GTPBP3: variants seen among roughly 807,000 people sequenced by gnomAD.
GTPBP3 encodes GTP binding protein 3, mitochondrial, also known as 5-taurinomethyluridine-[tRNA] synthase subunit GTPB3, mitochondrial.
Under a neutral mutation model 42.0 loss-of-function variants are expected in GTPBP3, and 35 were observed. The ratio of observed to expected loss-of-function variants is 0.83; its 90% CI spans 0.64 to 1.10. The LOEUF is 1.10. Among genes scored for constraint, GTPBP3 ranks in the 50% least tolerant of loss-of-function variants. The pLI is 0.00. For synonymous variants in GTPBP3, 332 were observed against 314.9 expected, an observed-to-expected ratio of 1.05 and a Z score of -0.58; for missense variants, 691 against 685.2, an observed-to-expected ratio of 1.01 and a Z score of -0.09.
In GTPBP3 at chr19:17,339,237, C is replaced by A. The variant is rs757509612; in HGVS notation, c.779C>A (p.Ala260Glu). The change falls in exon 6 of 9, where the codon GCG becomes GAG. Residue 260 changes from alanine to glutamate, a missense_variant. Coordinates refer to ENST00000324894, the MANE Select transcript of GTPBP3 (RefSeq NM_032620.4). The stretch of plus-strand genomic sequence containing the variant: ...GTAGTGGTCACTGGACCCCCCAATG[C>A]GGGCAAGAGCAGCCTAGTGAACCTG... ...VHVVVTGPPN[A>E]GKSSLVNLLS... is the part of the protein sequence containing the mutation. 1.2e-6 allele frequency: 2 copies of A among 1,609,706 alleles called. No homozygotes were observed. Among genetic ancestry groups the A allele is most frequent in the South Asian group, 1.1e-5 (1 of 90,934 alleles).
chr19:17,338,249 T>C lies in GTPBP3; in HGVS notation c.295T>C (p.Phe99Leu), dbSNP rs747176659. 7.5e-6 allele frequency: 12 copies of C among 1,590,744 alleles called. No homozygotes were observed. In the South Asian group the frequency reaches 1.3e-4, roughly 18 times the overall value. Residue 99 changes from phenylalanine to leucine, a missense_variant, in exon 2 of 9, where the codon TTC (phenylalanine) becomes CTC (leucine). Transcript: ENST00000324894. Reference sequence around the variant, plus strand: ...TCTGGACCGCGCACTGGTGCTCTGGTTCCCAGGTGAGGGTCCCCAGGTTCC... The same window carrying C: ...TCTGGACCGCGCACTGGTGCTCTGGCTCCCAGGTGAGGGTCCCCAGGTTCC... ...EPLDRALVLW[F>L]PGPQSFTGED...
upstream of GTPBP3, chr19:17,335,085 C>T (rs1255956746): frequency 1.3e-6 from 2 of 1,536,134 alleles, no homozygotes; most frequent in East Asian, 2.4e-5. Flanking sequence ...TCTGCAAACT[C>T]CGGACCCTGG....
In GTPBP3 at chr19:17,340,517, C is replaced by T. The variant is rs569425752; in HGVS notation, c.975-527C>T. 5.9e-5 allele frequency among the ~76,000 whole-genome samples: 9 copies of T among 151,294 alleles called. No individual in the cohort carries two copies. In the South Asian group the frequency reaches 1.9e-3, roughly 32 times the overall value. On this transcript the variant is annotated intron_variant, in intron 7 of 8. Transcript: ENST00000324894. ...TGCTCTGTCCACCCCCTACATTCTG[C>T]CCCACCCCTGGTGCTCTCTACCCCT...
chr19:17,336,282 T>C (rs1353122375), upstream of GTPBP3, among the ~76,000 whole-genome samples: 1 of 99,030 alleles, frequency 1.0e-5, no homozygotes, highest in East Asian at 3.0e-4. Context: ...CGTAGTGAGA[T>C]CCCCGTCTCC....
At chr19:17,337,718 A>AC in intron 1 of GTPBP3, 54 bp downstream of exon 1, 1 of 1,403,584 alleles carries the variant, frequency 7.1e-7, no homozygotes. Context: ...TGGACCCCAG[A>AC]CCCACTCCCT....
In GTPBP3 at chr19:17,339,266, A is replaced by G. The variant is rs776837688; in HGVS notation, c.808A>G (p.Ser270Gly). The change falls in exon 6 of 9, where the codon AGT (serine) becomes GGT (glycine). Residue 270 changes from serine (S) to glycine (G), a missense_variant and splice_region_variant. Ser to Gly is a moderately conservative substitution (Grantham distance 56, BLOSUM62 0). Coordinates refer to ENST00000324894, the MANE Select transcript of GTPBP3 (RefSeq NM_032620.4). ...AGKSSLVNLLSRKPVSIVSPE... is the reference protein window; with the variant it reads ...AGKSSLVNLLGRKPVSIVSPE... Reference sequence around the variant, plus strand: ...CAAGAGCAGCCTAGTGAACCTGCTCAGTGAGTAGGCGGCGGGAAGGGGGCG... The same window carrying G: ...CAAGAGCAGCCTAGTGAACCTGCTCGGTGAGTAGGCGGCGGGAAGGGGGCG... The G allele has an allele frequency of 3.8e-6, 6 of 1,597,348 alleles. No homozygotes were observed. In the South Asian group the frequency reaches 5.5e-5, roughly 15 times the overall value.
Position 17,341,595 on chromosome 19 carries a change from G to A in GTPBP3, c.1371G>A (p.Ala457=), listed in dbSNP as rs528495325. The change falls in exon 9 of 9, where the codon GCG becomes GCA. Residue 457 remains alanine, a synonymous_variant. Transcript: ENST00000324894. ...HYKQSKDLAL[A]AEALRVARGH... is the part of the protein sequence containing the mutation. ...AGCAGTCAAAAGACCTGGCCCTGGC[G>A]GCAGAGGCGCTGCGGGTGGCCCGGG... is the stretch of plus-strand genomic sequence containing the variant. The A allele has an allele frequency of 4.3e-6, 7 of 1,613,842 alleles. No individual in the cohort carries two copies. The African/African-American group carries it at 5.3e-5, about 12-fold the overall frequency.
chr19:17,339,987 G>A (rs1476594781), intron 7 of GTPBP3, among the ~76,000 whole-genome samples: 2 of 148,268 alleles, frequency 1.3e-5, no homozygotes, highest in African/African-American at 5.0e-5. Context: ...TAACTCCTGA[G>A]CCTCGGCCTC....
upstream of GTPBP3, chr19:17,337,482 C>A (rs1475832245): frequency 1.6e-6 from 2 of 1,257,232 alleles, no homozygotes; most frequent in African/African-American, 1.6e-5. Flanking sequence ...AGGACGTATC[C>A]TAAGATACCC....
In GTPBP3 at chr19:17,339,230, C is replaced by T. The variant is rs754233717; in HGVS notation, c.772C>T (p.Pro258Ser). The T allele has an allele frequency of 1.2e-6, 2 of 1,611,344 alleles. No individual in the cohort carries two copies. Among genetic ancestry groups the T allele is most frequent in the South Asian group, 1.1e-5 (1 of 91,016 alleles). The stretch of plus-strand genomic sequence containing the variant: ...GGTGCACGTAGTGGTCACTGGACCC[C>T]CCAATGCGGGCAAGAGCAGCCTAGT... ...SGVHVVVTGP[P>S]NAGKSSLVNL... The change falls in exon 6 of 9, where the codon CCC becomes TCC. Residue 258 changes from proline to serine, a missense_variant. Pro to Ser is a moderately conservative substitution (Grantham distance 74, BLOSUM62 -1). Coordinates refer to ENST00000324894, the MANE Select transcript of GTPBP3 (RefSeq NM_032620.4).
In GTPBP3 at chr19:17,337,611, C is replaced by T. The variant is rs1007464061; in HGVS notation, c.-1C>T. On this transcript the variant is annotated 5_prime_UTR_variant, in exon 1 of 9. Coordinates refer to ENST00000324894, the MANE Select transcript of GTPBP3 (RefSeq NM_032620.4). ...GCAGGCGGGTCGCAGGTTGTAAATC[C>T]ATGTGGCGGGGGCTTTGGACCCTGG... The T allele has an allele frequency of 7.5e-7, 1 of 1,326,474 alleles. No homozygotes were observed. The highest frequency in any genetic ancestry group is 9.7e-7 in the Non-Finnish European group (1 of 1,032,724). 82.2% of individuals were successfully genotyped at this position (1,326,474 alleles called of 1,614,324 possible).
chr19:17,338,504 G>T (rs2074391176), intron 3 of GTPBP3, 35 bp from the exon 4 acceptor site: 1 of 1,612,696 alleles, frequency 6.2e-7, no homozygotes, highest in Admixed American at 1.7e-5. Context: ...GCCTGGGTGG[G>T]GACCAGGGGG....
At chr19:17,337,280 C>T (rs1013993388), upstream of GTPBP3, 2 of 279,696 alleles carry the variant, frequency 7.2e-6, no homozygotes, top group Admixed American at 5.3e-5. Context: ...GTAATTTGCA[C>T]TGCCCTGTGC....
rs1190717715 is a variant in GTPBP3, at chr19:17,339,285, GGGGGCGGGGCCTAGTGCCA to G, written c.808+31_808+49del. 3 of 1,591,328 alleles carry G rather than the reference GGGGGCGGGGCCTAGTGCCA, an allele frequency of 1.9e-6. No individual in the cohort carries two copies. Among genetic ancestry groups the G allele is most frequent in the Non-Finnish European group, 2.6e-6 (3 of 1,169,162 alleles). On this transcript the variant is annotated intron_variant, in intron 6 of 8. Transcript: ENST00000324894. ...CTGCTCAGTGAGTAGGCGGCGGGAA[GGGGGCGGGGCCTAGTGCCA>G]GGGGCGGGGCCAAGAGCTGGGTTAT...
In GTPBP3 at chr19:17,337,991, C is replaced by A. The variant is rs753731126; in HGVS notation, c.54-17C>A. On this transcript the variant is annotated splice_polypyrimidine_tract_variant and intron_variant, in intron 1 of 8. Transcript: ENST00000324894. ...GAGCCTCCCAGGTGCGCTGATTCGCCTCCCCTCCGGTTCCAGATTGTGCAC... is the reference window on the plus strand; with the variant it reads ...GAGCCTCCCAGGTGCGCTGATTCGCATCCCCTCCGGTTCCAGATTGTGCAC... 1 of 1,595,598 alleles carries A rather than the reference C, an allele frequency of 6.3e-7. No individual in the cohort carries two copies. Among genetic ancestry groups the A allele is most frequent in the Non-Finnish European group, 8.5e-7 (1 of 1,178,500 alleles).
chr19:17,338,104 G>T lies in GTPBP3; in HGVS notation c.150G>T (p.Val50=), dbSNP rs201061021. ...GCCAAGGCCGCTGCGGCATCGCAGT[G>T]ATCCGGACCAGCGGCCCCGCCAGCG... ...SSGQGRCGIA[V]IRTSGPASGH... The change falls in exon 2 of 9, where the codon GTG becomes GTT. Residue 50 remains valine, a synonymous_variant. Transcript: ENST00000324894. The T allele has an allele frequency of 5.6e-4, 898 of 1,595,586 alleles. 16 individuals are homozygous for T. In the East Asian group the frequency reaches 0.02, roughly 35 times the overall value.
rs760508696 is a variant in GTPBP3 at position 17,338,966 on chromosome 19, G to C, written c.604G>C (p.Val202Leu). The C allele has an allele frequency of 2.5e-6, 4 of 1,604,746 alleles. No homozygotes were observed. In the South Asian group the frequency reaches 3.3e-5, roughly 13 times the overall value. The change falls in exon 5 of 9, where the codon GTG (valine) becomes CTG (leucine). Residue 202 changes from valine (V) to leucine (L), a missense_variant. Coordinates refer to ENST00000324894, the MANE Select transcript of GTPBP3 (RefSeq NM_032620.4). The stretch of plus-strand genomic sequence containing the variant: ...CCTGCCCCGCCAGGCTCTGGCCCAC[G>C]TGGAGGCCTATATCGATTTCGGCGA... ...AETLTKALAH[V>L]EAYIDFGEDD... is the part of the protein sequence containing the mutation.
Position 17,339,219 on chromosome 19 carries a change from T to C in GTPBP3, c.761T>C (p.Val254Ala). 6.2e-7 allele frequency: 1 copy of C among 1,612,260 alleles called. No homozygotes were observed. Among genetic ancestry groups the C allele is most frequent in the East Asian group, 2.2e-5 (1 of 44,874 alleles). Residue 254 changes from valine (V) to alanine (A), a missense_variant, in exon 6 of 9, where the codon GTC becomes GCC. Transcript: ENST00000324894. The part of the protein sequence containing the change: ...QRLRSGVHVV[V>A]TGPPNAGKSS... ...CTCCGCTCAGGGGTGCACGTAGTGG[T>C]CACTGGACCCCCCAATGCGGGCAAG... is the stretch of plus-strand genomic sequence containing the variant.
chr19:17,340,224 T>TG (rs2074415284), intron 7 of GTPBP3, among the ~76,000 whole-genome samples: 1 of 151,398 alleles, frequency 6.6e-6, no homozygotes, highest in Middle Eastern at 3.4e-3. Context: ...TTAGTAGAGA[T>TG]GGGGGTTTCA....
Sources: gnomAD v4.1 joint callset for allele counts (sites outside exome capture counted in the v4.1 genomes callset) on GRCh38, gnomAD v4.1.1 for gene constraint, MANE v1.5 for transcripts, NCBI Gene and HGNC (gene_info 2026-07-23, HGNC 2026-07-21) for gene names.